Variants in ZNF536 observed in about 807,000 individuals in gnomAD.
The protein encoded by ZNF536 is zinc finger protein 536.
In ZNF536, 13 loss-of-function variants were observed where a neutral mutation model predicts 84.5. That is an observed-to-expected ratio of 0.15 (90% CI 0.10 to 0.24). ZNF536 has a LOEUF of 0.24. Among genes scored for constraint, ZNF536 ranks in the 10% least tolerant of loss-of-function variants. ZNF536 has a pLI of 1.00. For synonymous variants in ZNF536, 811 were observed against 742.5 expected, an observed-to-expected ratio of 1.09 and a Z score of -1.50; for missense variants, 1,536 against 1,747.5, an observed-to-expected ratio of 0.88 and a Z score of 2.16.
At chr19:30,434,464 T>C (rs2051619260) in intron 1 of ZNF536, among the ~76,000 whole-genome samples, 1 of 152,218 alleles carries the variant, frequency 6.6e-6, no homozygotes, top group Non-Finnish European at 1.5e-5. Context: ...GGGTTCCGAC[T>C]GTCGTTATCC....
At chr19:30,576,783 G>C (rs556912682) in intron 1 of ZNF536, among the ~76,000 whole-genome samples, 6 of 152,272 alleles carry the variant, frequency 3.9e-5, no homozygotes, top group African/African-American at 1.4e-4. Context: ...TTCTTGTCCT[G>C]GGCAATGCTT....
At chr19:30,665,352 T>A (rs2050276712) in intron 1 of ZNF536, 1 of 152,104 alleles carries the variant, frequency 6.6e-6, no homozygotes, top group East Asian at 1.9e-4. Flanking sequence ...AAAAAATAAT[T>A]AATAATAATG....
chr19:30,258,240 C>T (rs1199403041), intron 1 of ZNF536, among the ~76,000 whole-genome samples: 1 of 152,184 alleles, frequency 6.6e-6, no homozygotes, highest in East Asian at 1.9e-4. Flanking sequence ...AAAACCAATT[C>T]ACCTCCAAGC....
intron 1 of ZNF536, among the ~76,000 whole-genome samples, chr19:30,426,957 A>G (rs1446718789): frequency 6.6e-6 from 1 of 152,178 alleles, no homozygotes; most frequent in Non-Finnish European, 1.5e-5. Context: ...CTATCTGCTC[A>G]TTGATCCATG....
chr19:30,608,999 G>A (rs1388023247), intron 1 of ZNF536, among the ~76,000 whole-genome samples: 1 of 152,216 alleles, frequency 6.6e-6, no homozygotes, highest in East Asian at 1.9e-4. Flanking sequence ...GCCCATACGT[G>A]TCTCTCTCAT....
In ZNF536 at chr19:30,284,934, C is replaced by T. The variant is rs541713897; in HGVS notation, c.-120+793C>T. Among the ~76,000 whole-genome samples the T allele has an allele frequency of 1.4e-4, 22 of 152,240 alleles. 1 individual carries two copies. The East Asian group carries it at 4.2e-3, about 29-fold the overall frequency. Reference sequence around the variant, plus strand: ...CTTACTTCTGATTTTGTGGATATTCCTGACCGTGGATTACTTTTATTTTGA... The same window carrying T: ...CTTACTTCTGATTTTGTGGATATTCTTGACCGTGGATTACTTTTATTTTGA... On this transcript the variant is annotated intron_variant, in intron 2 of 5. Transcript: ENST00000585628.
chr19:30,568,721 T>A (rs1367026144), intron 1 of ZNF536, among the ~76,000 whole-genome samples: 3 of 152,182 alleles, frequency 2.0e-5, no homozygotes, highest in Non-Finnish European at 2.9e-5. Context: ...CCAGCCATGC[T>A]CTGGGGCAGC....
chr19:30,694,961 A>G (rs1330795974), intron 1 of ZNF536, among the ~76,000 whole-genome samples: 3 of 152,194 alleles, frequency 2.0e-5, no homozygotes, highest in Non-Finnish European at 4.4e-5. Context: ...AGGAAAGAGG[A>G]AAATGCAGAG....
At chr19:30,559,480 G>A (rs1348056980), downstream of ZNF536, among the ~76,000 whole-genome samples, 2 of 152,300 alleles carry the variant, frequency 1.3e-5, no homozygotes, top group South Asian at 4.2e-4. Context: ...GGAATGGGGT[G>A]CACATCGAGG....
intron 2 of ZNF536, among the ~76,000 whole-genome samples, chr19:30,325,115 G>A (rs1297215787): frequency 6.6e-6 from 1 of 152,218 alleles, no homozygotes; most frequent in African/African-American, 2.4e-5. Context: ...TGCCCAGGGA[G>A]GAATGATAGC....
intron 1 of ZNF536, among the ~76,000 whole-genome samples, chr19:30,605,408 G>A (rs1197114369): frequency 6.6e-6 from 1 of 151,384 alleles, no homozygotes. Flanking sequence ...TCATTACTTA[G>A]CTCCCACTTC....
At chr19:30,628,839 G>A (rs2147216635) in intron 1 of ZNF536, among the ~76,000 whole-genome samples, 1 of 152,190 alleles carries the variant, frequency 6.6e-6, no homozygotes, top group Non-Finnish European at 1.5e-5. Context: ...GCAGTAGCTG[G>A]GATTACAGGC....
At chr19:30,465,292 C>T (rs2053335034) in intron 2 of ZNF536, among the ~76,000 whole-genome samples, 1 of 152,204 alleles carries the variant, frequency 6.6e-6, no homozygotes, top group African/African-American at 2.4e-5. Flanking sequence ...ACCTTCACCT[C>T]AACGCCACTT....
Position 30,320,099 on chromosome 19 carries a change from T to C in ZNF536, c.-119-32269T>C, listed in dbSNP as rs560636071. ...CTGGCAATCCCCATGTTCTGACATC[T>C]GTTCCTCTCTAAACATTTTACCAAC... On this transcript the variant is annotated intron_variant, in intron 2 of 5. Coordinates refer to the ZNF536 transcript ENST00000585628. Among the ~76,000 whole-genome samples the C allele has an allele frequency of 3.9e-5, 6 of 152,366 alleles. No homozygotes were observed. The South Asian group carries it at 1.2e-3, about 32-fold the overall frequency.
At chr19:30,668,984 G>A (rs2050439908) in intron 1 of ZNF536, among the ~76,000 whole-genome samples, 1 of 152,212 alleles carries the variant, frequency 6.6e-6, no homozygotes, top group Non-Finnish European at 1.5e-5. Context: ...GTCTCTGAGT[G>A]GGCAGCGGGG....
intron 2 of ZNF536, among the ~76,000 whole-genome samples, chr19:30,515,560 T>C (rs978689195): frequency 6.6e-6 from 1 of 152,094 alleles, no homozygotes; most frequent in Non-Finnish European, 1.5e-5. Context: ...CGCTCTATGA[T>C]CACAGCAGCA....
At chr19:30,257,005 G>GACC (rs969820279) in intron 1 of ZNF536, among the ~76,000 whole-genome samples, 1 of 152,134 alleles carries the variant, frequency 6.6e-6, no homozygotes, top group African/African-American at 2.4e-5. Context: ...GATCTTAAAA[G>GACC]ACCATTACAA....
intron 3 of ZNF536, among the ~76,000 whole-genome samples, chr19:30,353,533 C>T (rs572921769): frequency 6.6e-6 from 1 of 151,852 alleles, no homozygotes; most frequent in East Asian, 1.9e-4. Flanking sequence ...GCAGCCCCCC[C>T]CTGGCACCGG....
At chr19:30,285,243 T>C (rs2045586487) in intron 2 of ZNF536, among the ~76,000 whole-genome samples, 1 of 152,256 alleles carries the variant, frequency 6.6e-6, no homozygotes. Flanking sequence ...TTTTCAAAGC[T>C]GATTTTTTCC....
Sources: gnomAD v4.1 joint callset for allele counts (sites outside exome capture counted in the v4.1 genomes callset) on GRCh38, gnomAD v4.1.1 for gene constraint, MANE v1.5 for transcripts, NCBI Gene and HGNC (gene_info 2026-07-23, HGNC 2026-07-21) for gene names.